The following SMIM14 variants were observed in gnomAD, a reference collection of about 807,000 sequenced individuals.
SMIM14 encodes the protein small integral membrane protein 14, also known as chromosome 4 open reading frame 34.
In SMIM14, 5 loss-of-function variants were observed where a neutral mutation model predicts 12.6. The observed-to-expected ratio is 0.40, with a 90% CI of 0.21 to 0.83. The LOEUF (loss-of-function observed/expected upper bound fraction) is 0.83, where lower values mean the gene tolerates loss of function less well. Ranked by LOEUF, SMIM14 falls within the 40% of genes least tolerant of loss-of-function variation. The pLI is 0.37. For missense variants in SMIM14, 86 were observed against 119.1 expected, an observed-to-expected ratio of 0.72 and a Z score of 1.29; for synonymous variants, 30 against 40.1, an observed-to-expected ratio of 0.75 and a Z score of 0.95.
intron 2 of SMIM14, among the ~76,000 whole-genome samples, chr4:39,595,060 AC>A (rs1714295073): frequency 6.9e-6 from 1 of 144,224 alleles, no homozygotes; most frequent in South Asian, 2.2e-4. Flanking sequence ...CTGGGTATAT[AC>A]CCAAAGGACT....
intron 3 of SMIM14, among the ~76,000 whole-genome samples, chr4:39,566,744 G>A (rs757766010): frequency 6.6e-5 from 10 of 152,076 alleles, no homozygotes; most frequent in Admixed American, 1.3e-4. Context: ...CATGGCAGGC[G>A]GATCATGAGG....
intron 2 of SMIM14, among the ~76,000 whole-genome samples, chr4:39,576,668 A>G (rs1560289660): frequency 0.023 from 499 of 21,480 alleles, 20 homozygotes; most frequent in Non-Finnish European, 0.038. Flanking sequence ...GTGTATATAT[A>G]TATATATATA....
intron 4 of SMIM14, 126 bp from the exon 5 acceptor site, chr4:39,552,284 C>T (rs1711757585): frequency 7.5e-6 from 5 of 670,014 alleles, no homozygotes; most frequent in Non-Finnish European, 1.2e-5. Flanking sequence ...CATAGAGAAA[C>T]AACTGAGCAG....
At chr4:39,628,861 T>C (rs1287120781) in intron 1 of SMIM14, among the ~76,000 whole-genome samples, 2 of 150,630 alleles carry the variant, frequency 1.3e-5, no homozygotes, top group Non-Finnish European at 3.0e-5. Flanking sequence ...CCCTCCCAAG[T>C]ATCTGGGATT....
chr4:39,630,921 G>A lies in SMIM14; in HGVS notation c.-36+7818C>T, dbSNP rs545008779. Among the ~76,000 whole-genome samples, 3 of 151,248 alleles carry A rather than the reference G, an allele frequency of 2.0e-5. No homozygotes were observed. In the East Asian group the frequency reaches 5.8e-4, roughly 29 times the overall value. Reference sequence around the variant, plus strand: ...AAAGAAAAGCAAGCAAGCAAGCAAGGATTAACAAATAAAATAAACAAACAG... The same window carrying A: ...AAAGAAAAGCAAGCAAGCAAGCAAGAATTAACAAATAAAATAAACAAACAG... On this transcript the variant is annotated intron_variant, in intron 1 of 4. Transcript: ENST00000295958.
At chr4:39,598,863 C>A (rs1578345770) in intron 2 of SMIM14, among the ~76,000 whole-genome samples, 1 of 152,070 alleles carries the variant, frequency 6.6e-6, no homozygotes, top group African/African-American at 2.4e-5. Flanking sequence ...CCACCGCCCC[C>A]CTGCAACTAA....
rs1217700148 is a variant in SMIM14 at position 39,558,723 on chromosome 4, T to G, written c.125-2153A>C. Among the ~76,000 whole-genome samples the G allele has an allele frequency of 6.6e-6, 1 of 152,206 alleles. No homozygotes were observed. Among genetic ancestry groups the G allele is most frequent in the Non-Finnish European group, 1.5e-5 (1 of 68,032 alleles). ...GAGAGCAGTTTCTTTTTTTTGTTTG[T>G]TTTTTTGAGACAGAGTCTTGCCCTG... On this transcript the variant is annotated intron_variant, in intron 3 of 4. Transcript: ENST00000295958. The surrounding 1 kb of genome is among the most constrained non-coding windows in gnomAD (Gnocchi z 4.3).
chr4:39,604,007 T>A, intron 2 of SMIM14, among the ~76,000 whole-genome samples: 1 of 126,710 alleles, frequency 7.9e-6, no homozygotes. Flanking sequence ...TGAGACACTG[T>A]CTCAAAAAAA....
chr4:39,595,143 C>T (rs1322942852), intron 2 of SMIM14, among the ~76,000 whole-genome samples: 26 of 142,628 alleles, frequency 1.8e-4, no homozygotes, highest in African/African-American at 6.0e-4. Context: ...AGTAAAGACT[C>T]GGAACCAACC....
At chr4:39,552,647 A>G (rs2109976568) in intron 4 of SMIM14, among the ~76,000 whole-genome samples, 1 of 152,322 alleles carries the variant, frequency 6.6e-6, no homozygotes, top group East Asian at 1.9e-4. Context: ...TATAACCCTA[A>G]GGGGAGCCCA....
At chr4:39,627,047 T>C (rs562140737) in intron 1 of SMIM14, among the ~76,000 whole-genome samples, 1 of 152,292 alleles carries the variant, frequency 6.6e-6, no homozygotes, top group African/African-American at 2.4e-5. Flanking sequence ...CACTGGTAGA[T>C]TCAGTGTCTG....
chr4:39,622,693 C>T (rs1329140582), intron 1 of SMIM14, among the ~76,000 whole-genome samples: 1 of 152,244 alleles, frequency 6.6e-6, no homozygotes, highest in Non-Finnish European at 1.5e-5. Context: ...AGTCACCACG[C>T]CTGGCCTGCA....
At chr4:39,614,185 CAAAAAAAAA>C (rs60332502) in intron 1 of SMIM14, among the ~76,000 whole-genome samples, 13 of 102,268 alleles carry the variant, frequency 1.3e-4, no homozygotes, top group Admixed American at 6.8e-4. Flanking sequence ...AACTCCATTA[CAAAAAAAAA>C]AAAAAAAAAG....
At chr4:39,576,676 ATATATATATTTTTTTTTTTTTTTTTTTT>A (rs1713200805) in intron 2 of SMIM14, among the ~76,000 whole-genome samples, 2 of 31,030 alleles carry the variant, frequency 6.4e-5, no homozygotes, top group African/African-American at 2.0e-4. Flanking sequence ...ATATATATAT[ATATATATATTTTTTTTTTTTTTTTTTTT>A]TTTTTTTTTT....
chr4:39,630,999 T>C (rs934254392), intron 1 of SMIM14, among the ~76,000 whole-genome samples: 2 of 152,168 alleles, frequency 1.3e-5, no homozygotes, highest in African/African-American at 4.8e-5. Flanking sequence ...CTACATTACC[T>C]TTCCCAAGAG....
At chr4:39,556,349 A>T in intron 4 of SMIM14, 79 bp downstream of exon 4, 1 of 1,345,288 alleles carries the variant, frequency 7.4e-7, no homozygotes, top group Non-Finnish European at 1.0e-6. Context: ...TAGGTGTTTT[A>T]GTCAAAACCA....
intron 2 of SMIM14, among the ~76,000 whole-genome samples, chr4:39,574,717 A>AT (rs1713075741): frequency 6.6e-6 from 1 of 152,254 alleles, no homozygotes; most frequent in Non-Finnish European, 1.5e-5. Context: ...GTTAGCTTTT[A>AT]TTACTGTGCC....
intron 2 of SMIM14, among the ~76,000 whole-genome samples, chr4:39,590,063 C>T (rs1458068344): frequency 7.1e-6 from 1 of 140,740 alleles, no homozygotes; most frequent in African/African-American, 2.6e-5. Context: ...AAAGTAGTTA[C>T]AAGGAAATAT....
At position 39,596,115 on chromosome 4, in the gene SMIM14, G is replaced by A. The variant is rs543717072; in HGVS notation, c.75+8956C>T. Among the ~76,000 whole-genome samples the A allele has an allele frequency of 1.5e-4, 23 of 151,680 alleles. No individual in the cohort carries two copies. In the South Asian group the frequency reaches 4.8e-3, roughly 32 times the overall value. On this transcript the variant is annotated intron_variant, in intron 2 of 4. Coordinates refer to ENST00000295958, the MANE Select transcript of SMIM14 (RefSeq NM_174921.3). The stretch of plus-strand genomic sequence containing the variant: ...TGCCTTTTTTTCTTTCTTTCTTTGA[G>A]ATGGAGTTTTGCTCTTGTTGCCCAG...
Sources: gnomAD v4.1 joint callset for allele counts (sites outside exome capture counted in the v4.1 genomes callset) on GRCh38, gnomAD v4.1.1 for gene constraint, Gnocchi (gnomAD v3.1) non-coding constraint, MANE v1.5 for transcripts, NCBI Gene and HGNC (gene_info 2026-07-23, HGNC 2026-07-21) for gene names.